The following C3 variants were observed in gnomAD, a reference collection of about 807,000 sequenced individuals.
The protein encoded by C3 is C3 and PZP-like alpha-2-macroglobulin domain-containing protein 1.
In C3, 97 loss-of-function variants were observed where a neutral mutation model predicts 207.9. The observed-to-expected ratio is 0.47, with a 90% CI of 0.40 to 0.55. The LOEUF is 0.55. Ranked by LOEUF, C3 falls within the 20% of genes least tolerant of loss-of-function variation. C3 has a pLI of 0.00. For missense variants in C3, 1,684 were observed against 2,171.7 expected, an observed-to-expected ratio of 0.78 and a Z score of 4.46; for synonymous variants, 848 against 857.6, an observed-to-expected ratio of 0.99 and a Z score of 0.20.
intron 19 of C3, among the ~76,000 whole-genome samples, chr19:6,699,555 T>A (rs1331937437): frequency 1.3e-5 from 2 of 152,050 alleles, no homozygotes. Flanking sequence ...CTGGCCAACA[T>A]GGTGACACCC....
At chr19:6,678,060 T>C (rs374196546) in intron 40 of C3, 37 bp from the exon 41 acceptor site, 355 of 1,613,606 alleles carry the variant, frequency 2.2e-4, no homozygotes, top group Non-Finnish European at 2.7e-4. Context: ...AGGGGCGTGG[T>C]GTGGGCGTGG....
At chr19:6,688,201 G>A (rs555214211) in intron 27 of C3, among the ~76,000 whole-genome samples, 11 of 152,134 alleles carry the variant, frequency 7.2e-5, no homozygotes, top group African/African-American at 2.7e-4. Flanking sequence ...CGCAATCTCG[G>A]CTCACTGCAA....
At chr19:6,710,522 G>C in intron 13 of C3, 117 bp downstream of exon 13, 1 of 776,746 alleles carries the variant, frequency 1.3e-6, no homozygotes, top group Non-Finnish European at 2.2e-6. Flanking sequence ...AGAGAAGAGA[G>C]AGAAAGGAGA....
In C3 at chr19:6,713,183, C is replaced by T. The variant is rs1453536709; in HGVS notation, c.1003+6G>A. The T allele has an allele frequency of 1.2e-6, 2 of 1,613,758 alleles. No individual in the cohort carries two copies. The highest frequency in any genetic ancestry group is 1.7e-6 in the Non-Finnish European group (2 of 1,180,024). On this transcript the variant is annotated splice_donor_region_variant and intron_variant, in intron 9 of 40. Coordinates refer to ENST00000245907, the MANE Select transcript of C3 (RefSeq NM_000064.4). Reference sequence around the variant, plus strand: ...TCCTGAGCCTGGCCTTCAGACTGGGCCTCACCTGAGTGCAAGATGACGGTG... The same window carrying T: ...TCCTGAGCCTGGCCTTCAGACTGGGTCTCACCTGAGTGCAAGATGACGGTG...
chr19:6,697,041 C>CAAAAAACAAAAAAAAAA (rs1967548364), intron 21 of C3, among the ~76,000 whole-genome samples: 1 of 71,304 alleles, frequency 1.4e-5, no homozygotes, highest in Admixed American at 1.7e-4. Context: ...GACTCTGTCT[C>CAAAAAACAAAAAAAAAA]AAAAAAATAA....
chr19:6,700,513 T>C (rs1967636331), intron 19 of C3, among the ~76,000 whole-genome samples: 1 of 33,658 alleles, frequency 3.0e-5, no homozygotes, highest in Non-Finnish European at 4.1e-5. Flanking sequence ...ATATGTAATA[T>C]ATAATATATG....
chr19:6,712,429 G>A (rs2145429776), intron 10 of C3, 23 bp from the exon 11 acceptor site: 5 of 1,614,174 alleles, frequency 3.1e-6, no homozygotes, highest in South Asian at 1.1e-5. Context: ...GTGCAGGTGG[G>A]GGAAGTTCAG....
chr19:6,708,291 C>A (rs1967827881), intron 14 of C3, among the ~76,000 whole-genome samples: 1 of 152,070 alleles, frequency 6.6e-6, no homozygotes, highest in African/African-American at 2.4e-5. Context: ...TGCATGCCAC[C>A]ATGCCCAGCT....
chr19:6,698,745 T>C (rs1313219222), intron 19 of C3, among the ~76,000 whole-genome samples: 3 of 152,104 alleles, frequency 2.0e-5, no homozygotes, highest in Admixed American at 2.0e-4. Flanking sequence ...AAACAACTGA[T>C]GCTCATTTTA....
intron 7 of C3, 29 bp downstream of exon 7, chr19:6,713,963 C>A: frequency 6.5e-7 from 1 of 1,531,890 alleles, no homozygotes. Context: ...TCACCTGGCT[C>A]TTACCTGGCC....
At chr19:6,715,072 C>G (rs1268431478) in intron 4 of C3, among the ~76,000 whole-genome samples, 2 of 152,102 alleles carry the variant, frequency 1.3e-5, no homozygotes, top group African/African-American at 4.8e-5. Flanking sequence ...TCTCTGAATA[C>G]TAATAACTAG....
At chr19:6,705,646 C>A (rs1306980700) in intron 17 of C3, among the ~76,000 whole-genome samples, 1 of 150,588 alleles carries the variant, frequency 6.6e-6, no homozygotes. Context: ...CGTGCCCGGC[C>A]AATTTTCTTT....
chr19:6,704,923 C>T lies in C3; in HGVS notation c.2245+2153G>A, dbSNP rs570229189. On this transcript the variant is annotated intron_variant, in intron 17 of 40. Transcript: ENST00000245907. Reference sequence around the variant, plus strand: ...AAAAAAAAAAAAAAAAGTTTTCGTCCGTACAAAGTCTCACTACGCTGCCCA... The same window carrying T: ...AAAAAAAAAAAAAAAAGTTTTCGTCTGTACAAAGTCTCACTACGCTGCCCA... 1.8e-4 allele frequency among the ~76,000 whole-genome samples: 27 copies of T among 151,910 alleles called. 1 individual carries two copies. Among genetic ancestry groups the T allele is most frequent in the South Asian group, 1.0e-3 (5 of 4,812 alleles).
At chr19:6,694,404 G>A (rs372879122) in intron 24 of C3, 27 bp downstream of exon 24, 29 of 1,606,016 alleles carry the variant, frequency 1.8e-5, no homozygotes, top group Non-Finnish European at 2.5e-5. Context: ...GGGTCCCTGG[G>A]GTCTCCAAGA....
In C3 at chr19:6,710,627, G is replaced by A; in HGVS notation, c.1686+12C>T. The A allele has an allele frequency of 6.2e-7, 1 of 1,610,358 alleles. No homozygotes were observed. Among genetic ancestry groups the A allele is most frequent in the Non-Finnish European group, 8.5e-7 (1 of 1,177,936 alleles). On this transcript the variant is annotated intron_variant, in intron 13 of 40. Coordinates refer to ENST00000245907, the MANE Select transcript of C3 (RefSeq NM_000064.4). ...GAGGGAGAGGGGGCGAGCGAGCCCAGGGCACACTTACCGAGCCCACGCAGG... is the reference window on the plus strand; with the variant it reads ...GAGGGAGAGGGGGCGAGCGAGCCCAAGGCACACTTACCGAGCCCACGCAGG...
intron 17 of C3, among the ~76,000 whole-genome samples, chr19:6,705,586 A>T (rs2145420518): frequency 6.6e-6 from 1 of 152,010 alleles, no homozygotes; most frequent in African/African-American, 2.4e-5. Flanking sequence ...GACTCAAGCA[A>T]TCCACCCTTC....
Position 6,718,329 on chromosome 19 carries a change from C to T in C3, c.351G>A (p.Val117=). Residue 117 remains valine, a synonymous_variant, in exon 3 of 41, where the codon GTG becomes GTA. Transcript: ENST00000245907. ...GCAGGCTGACCAGCACCACCTTCTC[C>T]ACCACTTGGGTCCCGAAGGTGGCCT... ...TVQATFGTQV[V]EKVVLVSLQS... The T allele has an allele frequency of 6.2e-7, 1 of 1,614,242 alleles. No homozygotes were observed. The highest frequency in any genetic ancestry group is 8.5e-7 in the Non-Finnish European group (1 of 1,180,042).
rs750401841 is a variant in C3 at position 6,712,595 on chromosome 19, G to T, written c.1032C>A (p.Ser344Arg). The T allele has an allele frequency of 1.2e-6, 2 of 1,613,958 alleles. No individual in the cohort carries two copies. Among genetic ancestry groups the T allele is most frequent in the Non-Finnish European group, 1.7e-6 (2 of 1,179,942 alleles). Residue 344 changes from serine (S) to arginine (R), a missense_variant, in exon 10 of 41, where the codon AGC becomes AGA. Coordinates refer to ENST00000245907, the MANE Select transcript of C3 (RefSeq NM_000064.4). ...SGSDMVQAERSGIPIVTSPYQ... is the reference protein window; with the variant it reads ...SGSDMVQAERRGIPIVTSPYQ... The stretch of plus-strand genomic sequence containing the variant: ...AGGGAGAGGTCACGATGGGGATCCC[G>T]CTGCGCTCTGCCTGCACCATGTCAC...
At chr19:6,712,476 G>A in intron 10 of C3, 32 bp downstream of exon 10, 1 of 1,613,622 alleles carries the variant, frequency 6.2e-7, no homozygotes, top group Non-Finnish European at 8.5e-7. Context: ...CCCGAAGGGA[G>A]GAGTGGGACC....
Sources: gnomAD v4.1 joint callset for allele counts (sites outside exome capture counted in the v4.1 genomes callset) on GRCh38, gnomAD v4.1.1 for gene constraint, MANE v1.5 for transcripts, NCBI Gene and HGNC (gene_info 2026-07-23, HGNC 2026-07-21) for gene names.